PLA2G4B: variants seen among roughly 807,000 people sequenced by gnomAD.
The protein encoded by PLA2G4B is cytosolic phospholipase A2 beta.
A neutral mutation model predicts 95.8 loss-of-function variants in PLA2G4B; 122 were observed. The observed-to-expected ratio is 1.27, with a 90% CI of 1.10 to 1.48. PLA2G4B has a LOEUF of 1.48. Ranked by LOEUF, PLA2G4B falls within the 40% of genes most tolerant of loss-of-function variation. The pLI is 0.00. For missense variants in PLA2G4B, 1,158 were observed against 996.2 expected, an observed-to-expected ratio of 1.16 and a Z score of -2.19; for synonymous variants, 518 against 421.5, an observed-to-expected ratio of 1.23 and a Z score of -2.80.
intron 10 of PLA2G4B, 52 bp downstream of exon 10, chr15:41,842,643 C>T (rs765540637): frequency 2.1e-5 from 33 of 1,595,652 alleles, no homozygotes; most frequent in Admixed American, 3.7e-5. Flanking sequence ...AACCAGGGTG[C>T]GGGGCTGGAG....
Position 41,844,825 on chromosome 15 carries a change from G to A in PLA2G4B, c.1017-23G>A, listed in dbSNP as rs372188166. 5.1e-6 allele frequency: 8 copies of A among 1,577,342 alleles called. No homozygotes were observed. In the South Asian group the frequency reaches 6.9e-5, roughly 14 times the overall value. On this transcript the variant is annotated intron_variant, in intron 12 of 19. Coordinates refer to ENST00000458483, the MANE Select transcript of PLA2G4B (RefSeq NM_001114633.2). ...GGGGTCCTTCAGTGACAGCCCTCTG[G>A]CTTTGGCTTTGGCTTTTCCCAGGGC...
At chr15:41,845,357 G>C (rs768576740) in intron 14 of PLA2G4B, 37 bp downstream of exon 14, 1 of 1,604,616 alleles carries the variant, frequency 6.2e-7, no homozygotes, top group African/African-American at 1.3e-5. Flanking sequence ...TGCCCTTGCA[G>C]TTGGTGGAAT....
Position 41,847,339 on chromosome 15 carries a change from G to GT in PLA2G4B, c.1952dup (p.Leu651PhefsTer149). 6.3e-7 allele frequency: 1 copy of GT among 1,598,924 alleles called. No individual in the cohort carries two copies. Among genetic ancestry groups the GT allele is most frequent in the Non-Finnish European group, 8.5e-7 (1 of 1,171,202 alleles). On this transcript the variant is annotated frameshift_variant, in exon 19 of 20. Transcript: ENST00000458483. LOFTEE classifies it high-confidence loss of function. ...AGCCCCTTCTGCCTGCCCTGCAGCA[G>GT]TTGCAGCTCCTGGGCCGGTTCTGCC... is the stretch of plus-strand genomic sequence containing the variant.
Position 41,844,921 on chromosome 15 carries a change from A to T in PLA2G4B, c.1090A>T (p.Thr364Ser). Reference protein sequence around the residue: ...DLAGPTELLKTQVTKNKLGVL... With the variant: ...DLAGPTELLKSQVTKNKLGVL... Reference sequence around the variant, plus strand: ...GGCAGGGCCCACTGAGTTGCTGAAGACCCAGGTGACCAAGAACAAGCTGGG... The same window carrying T: ...GGCAGGGCCCACTGAGTTGCTGAAGTCCCAGGTGACCAAGAACAAGCTGGG... Residue 364 changes from threonine to serine, a missense_variant, in exon 13 of 20, where the codon ACC (threonine) becomes TCC (serine). Coordinates refer to ENST00000458483, the MANE Select transcript of PLA2G4B (RefSeq NM_001114633.2). The T allele has an allele frequency of 6.2e-7, 1 of 1,612,442 alleles. No homozygotes were observed.
chr15:41,840,320 CG>C, intron 2 of PLA2G4B, 90 bp downstream of exon 2: 1 of 1,581,566 alleles, frequency 6.3e-7, no homozygotes. Context: ...TTGGTGGAGG[CG>C]GGTGGGCCGG....
chr15:41,844,670 C>T (rs1231543158), intron 12 of PLA2G4B, 63 bp downstream of exon 12: 29 of 1,609,636 alleles, frequency 1.8e-5, no homozygotes, highest in Non-Finnish European at 2.4e-5. Flanking sequence ...CCAGGGTTCT[C>T]CTAGGCCTCT....
Position 41,847,466 on chromosome 15 carries a change from C to A in PLA2G4B, c.2077C>A (p.Pro693Thr), listed in dbSNP as rs1179663015. 1 of 1,613,082 alleles carries A rather than the reference C, an allele frequency of 6.2e-7. No individual in the cohort carries two copies. Among genetic ancestry groups the A allele is most frequent in the East Asian group, 2.2e-5 (1 of 44,868 alleles). Reference sequence around the variant, plus strand: ...CTCCGACCCCACCTGCCCCGGAGCCCCTGCGGTGCTGCACTTTCCTCTGGT... The same window carrying A: ...CTCCGACCCCACCTGCCCCGGAGCCACTGCGGTGCTGCACTTTCCTCTGGT... The part of the protein sequence containing the change: ...TFSDPTCPGA[P>T]AVLHFPLVSD... Residue 693 changes from proline to threonine, a missense_variant, in exon 19 of 20, where the codon CCT becomes ACT. Transcript: ENST00000458483.
chr15:41,846,843 A>G lies in PLA2G4B; in HGVS notation c.1947+8A>G, dbSNP rs1567173488. 2.5e-6 allele frequency: 4 copies of G among 1,599,228 alleles called. No homozygotes were observed. Among genetic ancestry groups the G allele is most frequent in the Non-Finnish European group, 3.4e-6 (4 of 1,168,758 alleles). On this transcript the variant is annotated splice_region_variant and intron_variant, in intron 18 of 19. Transcript: ENST00000458483. ...CTCCACGGAGCCTTCCAGGTTGGGAAGGGTGGGCAGCCCACCAGGGAGGCG... is the reference window on the plus strand; with the variant it reads ...CTCCACGGAGCCTTCCAGGTTGGGAGGGGTGGGCAGCCCACCAGGGAGGCG...
In PLA2G4B at chr15:41,845,071, G is replaced by A; in HGVS notation, c.1239+1G>A. The A allele has an allele frequency of 1.3e-6, 2 of 1,596,878 alleles. No individual in the cohort carries two copies. Among genetic ancestry groups the A allele is most frequent in the Non-Finnish European group, 1.7e-6 (2 of 1,170,398 alleles). ...CAACGAGGCGCTGCTGCATGATGAG[G>A]TGCGGGGGCTGCGGCCTGGGGGCAG... On this transcript the variant is annotated splice_donor_variant, in intron 13 of 19. Coordinates refer to ENST00000458483, the MANE Select transcript of PLA2G4B (RefSeq NM_001114633.2). LOFTEE classifies it high-confidence loss of function.
intron 8 of PLA2G4B, 54 bp from the exon 9 acceptor site, chr15:41,842,139 T>G (rs2140890743): frequency 6.2e-7 from 1 of 1,606,804 alleles, no homozygotes; most frequent in East Asian, 2.2e-5. Flanking sequence ...GTGAGGTCTT[T>G]GCTAGGAGTG....
Position 41,847,772 on chromosome 15 carries a change from C to T in PLA2G4B, c.2258C>T (p.Thr753Ile), listed in dbSNP as rs1292058781. Reference protein sequence around the residue: ...QEDVDKLLHLTHYNVCNNQEQ... With the variant: ...QEDVDKLLHLIHYNVCNNQEQ... ...GACGTGGACAAGCTGCTGCACCTGA[C>T]ACATTACAATGTCTGCAACAACCAG... The change falls in exon 20 of 20, where the codon ACA becomes ATA. Residue 753 changes from threonine (T) to isoleucine (I), a missense_variant. By Grantham distance (89) the Thr-to-Ile change is moderately conservative. Coordinates refer to ENST00000458483, the MANE Select transcript of PLA2G4B (RefSeq NM_001114633.2). 1.1e-5 allele frequency: 17 copies of T among 1,609,950 alleles called. No individual in the cohort carries two copies. The highest frequency in any genetic ancestry group is 1.4e-5 in the Non-Finnish European group (17 of 1,180,016).
chr15:41,843,712 C>T lies in PLA2G4B; in HGVS notation c.780C>T (p.Pro260=), dbSNP rs1241643096. 1.9e-6 allele frequency: 3 copies of T among 1,613,856 alleles called. No homozygotes were observed. Among genetic ancestry groups the T allele is most frequent in the Non-Finnish European group, 2.5e-6 (3 of 1,180,004 alleles). ...RELAVRLGFG[P]CAEEQAFLSR... Reference sequence around the variant, plus strand: ...TGGCCGTGCGACTGGGCTTCGGGCCCTGTGCAGAGGAGCAGGCCTTCCTGA... The same window carrying T: ...TGGCCGTGCGACTGGGCTTCGGGCCTTGTGCAGAGGAGCAGGCCTTCCTGA... Residue 260 remains proline, a synonymous_variant, in exon 11 of 20, where the codon CCC becomes CCT. Transcript: ENST00000458483.
intron 2 of PLA2G4B, 97 bp downstream of exon 2, chr15:41,840,327 G>A (rs998798007): frequency 1.9e-6 from 3 of 1,579,876 alleles, no homozygotes; most frequent in African/African-American, 2.7e-5. Context: ...AGGCGGGTGG[G>A]CCGGTGGGCA....
At chr15:41,846,983 A>ATTCTT (rs1324328828) in intron 18 of PLA2G4B, 148 bp downstream of exon 18, 1 of 1,186,112 alleles carries the variant, frequency 8.4e-7, no homozygotes, top group Non-Finnish European at 1.1e-6. Flanking sequence ...AGAGGAGCTC[A>ATTCTT]TTCTTTTCCG....
Position 41,839,804 on chromosome 15 carries a change from C to T in PLA2G4B, c.10-354C>T, listed in dbSNP as rs181168839. On this transcript the variant is annotated intron_variant, in intron 1 of 19. Coordinates refer to ENST00000458483, the MANE Select transcript of PLA2G4B (RefSeq NM_001114633.2). ...GGCATAAATCTGGAGCCAGCCTGCCCGGGCTCCAACCCCAATTGTGGACCT... is the reference window on the plus strand; with the variant it reads ...GGCATAAATCTGGAGCCAGCCTGCCTGGGCTCCAACCCCAATTGTGGACCT... The T allele has an allele frequency of 5.1e-5, 13 of 253,218 alleles. No homozygotes were observed. In the Middle Eastern group the frequency reaches 1.2e-3, roughly 24 times the overall value. 15.7% of individuals were successfully genotyped at this position (253,218 alleles called of 1,614,324 possible). A position where few individuals can be genotyped will look rare whatever the true frequency, so the allele number is the denominator to read the frequency against.
At position 41,847,352 on chromosome 15, in the gene PLA2G4B, G is replaced by A. The variant is rs377490802; in HGVS notation, c.1963G>A (p.Gly655Ser). Residue 655 changes from glycine to serine, a missense_variant, in exon 19 of 20, where the codon GGC becomes AGC. By Grantham distance (56) the Gly-to-Ser change is moderately conservative. Coordinates refer to ENST00000458483, the MANE Select transcript of PLA2G4B (RefSeq NM_001114633.2). ...TGCCCTGCAGCAGTTGCAGCTCCTG[G>A]GCCGGTTCTGCCAGGAGCAGGGGAT... ...HGAFQQLQLL[G>S]RFCQEQGIPF... The A allele has an allele frequency of 2.5e-6, 4 of 1,605,282 alleles. No homozygotes were observed. In the African/African-American group the frequency reaches 5.4e-5, roughly 21 times the overall value.
At chr15:41,840,926 C>T (rs779210531) in intron 4 of PLA2G4B, 21 bp downstream of exon 4, 16 of 1,608,500 alleles carry the variant, frequency 9.9e-6, no homozygotes, top group Non-Finnish European at 1.4e-5. Flanking sequence ...GTTTCCACGG[C>T]AGCCCTAGCT....
Position 41,845,201 on chromosome 15 carries a change from A to C in PLA2G4B, c.1240-2A>C. 1.9e-6 allele frequency: 3 copies of C among 1,614,148 alleles called. No homozygotes were observed. Among genetic ancestry groups the C allele is most frequent in the Non-Finnish European group, 2.5e-6 (3 of 1,179,998 alleles). ...GTTTAGGTTCTACGCATCTTTCCCCAGCCCCATGATCACAAGCTCTCAGAT... is the reference window on the plus strand; with the variant it reads ...GTTTAGGTTCTACGCATCTTTCCCCCGCCCCATGATCACAAGCTCTCAGAT... On this transcript the variant is annotated splice_acceptor_variant, in intron 13 of 19. Transcript: ENST00000458483. LOFTEE classifies it high-confidence loss of function.
In PLA2G4B at chr15:41,844,645, CAG is replaced by C. The variant is rs760561414; in HGVS notation, c.1016+39_1016+40del. ...CAGGCTGATGCTGGACCCTGTGTGG[CAG>C]GGGGTGCTGGTGCCAGGGTTCTCCT... On this transcript the variant is annotated intron_variant, in intron 12 of 19. Transcript: ENST00000458483. 6 of 1,613,074 alleles carry C rather than the reference CAG, an allele frequency of 3.7e-6. No individual in the cohort carries two copies. In the Admixed American group the frequency reaches 1.0e-4, roughly 27 times the overall value.
Sources: gnomAD v4.1 joint callset for allele counts on GRCh38, gnomAD v4.1.1 for gene constraint, MANE v1.5 for transcripts, NCBI Gene and HGNC (gene_info 2026-07-23, HGNC 2026-07-21) for gene names.